TULP4: variants seen among roughly 807,000 people sequenced by gnomAD.
TULP4 encodes the protein TUB like protein 4.
In TULP4, 16 loss-of-function variants were observed where a neutral mutation model predicts 129.0. That is an observed-to-expected ratio of 0.12 (90% CI 0.08 to 0.19). The LOEUF is 0.19. Ranked by LOEUF, TULP4 falls within the 10% of genes least tolerant of loss-of-function variation. TULP4 has a pLI of 1.00. For missense variants in TULP4, 1,842 were observed against 2,059.1 expected, an observed-to-expected ratio of 0.89 and a Z score of 2.04; for synonymous variants, 998 against 854.0, an observed-to-expected ratio of 1.17 and a Z score of -2.94.
intron 1 of TULP4, among the ~76,000 whole-genome samples, chr6:158,286,687 G>C (rs1156527343): frequency 1.3e-5 from 2 of 152,162 alleles, no homozygotes; most frequent in Non-Finnish European, 1.5e-5. Flanking sequence ...TATTGTAATG[G>C]TATTTATTAG....
intron 9 of TULP4, among the ~76,000 whole-genome samples, chr6:158,490,872 C>G (rs567568915): frequency 6.6e-6 from 1 of 151,200 alleles, no homozygotes; most frequent in South Asian, 2.1e-4. Flanking sequence ...CTTTATTGCT[C>G]CGTGGTATTC....
At chr6:158,448,596 A>G (rs1346915736) in intron 3 of TULP4, among the ~76,000 whole-genome samples, 1 of 152,170 alleles carries the variant, frequency 6.6e-6, no homozygotes, top group East Asian at 1.9e-4. Flanking sequence ...TTTTTCTTCT[A>G]AATTTGAGAA....
At chr6:158,403,202 T>C (rs1235162661) in intron 1 of TULP4, among the ~76,000 whole-genome samples, 1 of 152,198 alleles carries the variant, frequency 6.6e-6, no homozygotes, top group Non-Finnish European at 1.5e-5. Context: ...GCTCCCGAGC[T>C]CTGCTTGAAA....
At chr6:158,403,260 G>C (rs1434961612) in intron 1 of TULP4, among the ~76,000 whole-genome samples, 2 of 152,106 alleles carry the variant, frequency 1.3e-5, no homozygotes, top group Non-Finnish European at 2.9e-5. Flanking sequence ...CCATTCTACT[G>C]TTCCCCTTCC....
intron 1 of TULP4, among the ~76,000 whole-genome samples, chr6:158,369,346 A>G (rs1777019095): frequency 6.6e-6 from 1 of 152,182 alleles, no homozygotes; most frequent in Admixed American, 6.5e-5. Context: ...ATTAAAAAAT[A>G]AAATAATAGC....
At chr6:158,246,262 G>A (rs1778029995) in intron 1 of TULP4, among the ~76,000 whole-genome samples, 1 of 152,114 alleles carries the variant, frequency 6.6e-6, no homozygotes, top group Non-Finnish European at 1.5e-5. Flanking sequence ...AGCACTTTGG[G>A]AGGCTGAGGT....
chr6:158,403,501 G>A (rs1316202358), intron 1 of TULP4, among the ~76,000 whole-genome samples: 9 of 152,020 alleles, frequency 5.9e-5, no homozygotes, highest in Non-Finnish European at 1.3e-4. Flanking sequence ...CCCTATGCCC[G>A]GCTAATTTTT....
Position 158,502,783 on chromosome 6 carries a change from C to T in TULP4, c.3120C>T (p.Cys1040=). The change falls in exon 13 of 14, where the codon TGC becomes TGT. Residue 1040 remains cysteine (C), a synonymous_variant. Coordinates refer to ENST00000367097, the MANE Select transcript of TULP4 (RefSeq NM_020245.5). The stretch of plus-strand genomic sequence containing the variant: ...CTGCCCTGTACACCTGCAGTCAGTG[C>T]AGTGGCACAGGGCCCAGCTCACAGC... The part of the protein sequence containing the change: ...PPPALYTCSQ[C]SGTGPSSQPG... 1.2e-6 allele frequency: 2 copies of T among 1,608,554 alleles called. No homozygotes were observed. The highest frequency in any genetic ancestry group is 1.7e-6 in the Non-Finnish European group (2 of 1,179,368).
chr6:158,378,609 C>A (rs1053486832), intron 1 of TULP4, among the ~76,000 whole-genome samples: 2 of 151,600 alleles, frequency 1.3e-5, no homozygotes, highest in African/African-American at 2.4e-5. Context: ...TCCAGCCTCC[C>A]GAGTAGCTGG....
chr6:158,383,976 G>C (rs560633925), intron 1 of TULP4, among the ~76,000 whole-genome samples: 196 of 152,318 alleles, frequency 1.3e-3, no homozygotes, highest in Non-Finnish European at 2.1e-3. Context: ...TAATAGTACA[G>C]ACTTTATACC....
At chr6:158,254,602 A>C (rs1778212112) in intron 1 of TULP4, among the ~76,000 whole-genome samples, 1 of 152,186 alleles carries the variant, frequency 6.6e-6, no homozygotes, top group Admixed American at 6.5e-5. Flanking sequence ...TTTAACCCCT[A>C]GTTTACAAAG....
At chr6:158,331,317 C>A (rs554634292) in intron 1 of TULP4, among the ~76,000 whole-genome samples, 1 of 152,212 alleles carries the variant, frequency 6.6e-6, no homozygotes, top group Admixed American at 6.5e-5. Context: ...CTGTTGTTCC[C>A]TATCCACCCA....
chr6:158,426,970 CTTTT>C (rs1054696836), intron 2 of TULP4, among the ~76,000 whole-genome samples: 4 of 152,152 alleles, frequency 2.6e-5, no homozygotes, highest in African/African-American at 9.6e-5. Context: ...GCATTTTATT[CTTTT>C]TGTTTCAGTT....
Position 158,479,908 on chromosome 6 carries a change from T to G in TULP4, c.1184T>G (p.Val395Gly). 1 of 1,612,558 alleles carries G rather than the reference T, an allele frequency of 6.2e-7. No individual in the cohort carries two copies. The highest frequency in any genetic ancestry group is 8.5e-7 in the Non-Finnish European group (1 of 1,180,008). ...IASTLREDKDVSKLTLPPRLC... is the reference protein window; with the variant it reads ...IASTLREDKDGSKLTLPPRLC... Reference sequence around the variant, plus strand: ...AGCACCTTGCGTGAGGACAAGGACGTCAGCAAGCTGACTCTGCCCCCCCGC... The same window carrying G: ...AGCACCTTGCGTGAGGACAAGGACGGCAGCAAGCTGACTCTGCCCCCCCGC... Residue 395 changes from valine (V) to glycine (G), a missense_variant, in exon 7 of 14, where the codon GTC (valine) becomes GGC (glycine). Coordinates refer to ENST00000367097, the MANE Select transcript of TULP4 (RefSeq NM_020245.5).
At position 158,454,796 on chromosome 6, in the gene TULP4, G is replaced by A. The variant is rs9347234; in HGVS notation, c.859+2528G>A. Among the ~76,000 whole-genome samples, 1,765 of 152,030 alleles carry A rather than the reference G, an allele frequency of 0.012. 128 individuals carry two copies. The East Asian group carries it at 0.22, about 19-fold the overall frequency. On this transcript the variant is annotated intron_variant, in intron 5 of 13. Transcript: ENST00000367097. ...AATTTTGGTATTTTTGGTAGAGATGGGGTTTCATCGTATTGGTCAGGCTGG... is the reference window on the plus strand; with the variant it reads ...AATTTTGGTATTTTTGGTAGAGATGAGGTTTCATCGTATTGGTCAGGCTGG...
In TULP4 at chr6:158,502,033, T is replaced by C. The variant is rs747618579; in HGVS notation, c.2370T>C (p.His790=). The C allele has an allele frequency of 1.2e-6, 2 of 1,612,974 alleles. No homozygotes were observed. Among genetic ancestry groups the C allele is most frequent in the Non-Finnish European group, 1.7e-6 (2 of 1,179,774 alleles). ...QGPMQLSTVG[H]GDRDHEHLQK... is the part of the protein sequence containing the mutation. Reference sequence around the variant, plus strand: ...CCATGCAGCTGTCCACGGTGGGCCATGGAGACCGAGACCACGAACACCTGC... The same window carrying C: ...CCATGCAGCTGTCCACGGTGGGCCACGGAGACCGAGACCACGAACACCTGC... The change falls in exon 13 of 14, where the codon CAT becomes CAC. Residue 790 remains histidine, a synonymous_variant. Transcript: ENST00000367097.
At chr6:158,430,502 G>A (rs1778604718) in intron 3 of TULP4, among the ~76,000 whole-genome samples, 1 of 152,192 alleles carries the variant, frequency 6.6e-6, no homozygotes, top group Admixed American at 6.5e-5. Context: ...CAACACTTTG[G>A]GAGGTGGAGG....
chr6:158,297,471 G>T (rs772041884), intron 1 of TULP4, among the ~76,000 whole-genome samples: 1 of 152,070 alleles, frequency 6.6e-6, no homozygotes, highest in African/African-American at 2.4e-5. Context: ...CGAAGATAAC[G>T]GGATTAAAAG....
At chr6:158,387,377 T>C (rs1373977475) in intron 1 of TULP4, among the ~76,000 whole-genome samples, 1 of 152,068 alleles carries the variant, frequency 6.6e-6, no homozygotes, top group Non-Finnish European at 1.5e-5. Context: ...TGTCCTAATT[T>C]GAGGAAATTG....
Sources: allele counts gnomAD v4.1 joint callset (sites outside exome capture counted in the v4.1 genomes callset), GRCh38; gene constraint gnomAD v4.1.1; transcripts MANE v1.5; gene names NCBI Gene and HGNC (gene_info 2026-07-23, HGNC 2026-07-21).